SEMA3A: variants seen among roughly 807,000 people sequenced by gnomAD.
SEMA3A encodes the protein semaphorin 3A, also known as semaphorin-3A.
Under a neutral mutation model 97.9 loss-of-function variants are expected in SEMA3A, and 29 were observed. The observed-to-expected ratio is 0.30, with a 90% CI of 0.22 to 0.40. The LOEUF (loss-of-function observed/expected upper bound fraction) is 0.40, where lower values mean the gene tolerates loss of function less well. Among genes scored for constraint, SEMA3A ranks in the 10% least tolerant of loss-of-function variants. SEMA3A has a pLI of 1.00. For missense variants in SEMA3A, 763 were observed against 951.3 expected (o/e 0.80, Z 2.60); for synonymous variants, 321 against 323.7 (o/e 0.99, Z 0.09).
At chr7:84,038,922 C>T (rs1341168457) in intron 6 of SEMA3A, among the ~76,000 whole-genome samples, 1 of 152,022 alleles carries the variant, frequency 6.6e-6, no homozygotes, top group Non-Finnish European at 1.5e-5. Flanking sequence ...AATACTGAAG[C>T]TAAAACTACT....
At chr7:84,374,929 G>C (rs898682727) in intron 1 of SEMA3A, among the ~76,000 whole-genome samples, 1 of 152,290 alleles carries the variant, frequency 6.6e-6, no homozygotes, top group East Asian at 1.9e-4. Context: ...ACTATGACTC[G>C]TTATCTGCAA....
At chr7:84,010,981 A>G in intron 9 of SEMA3A, 41 bp downstream of exon 9, 4 of 1,439,274 alleles carry the variant, frequency 2.8e-6, no homozygotes, top group Non-Finnish European at 3.8e-6. Flanking sequence ...TAGCACCTAA[A>G]TAACATTAAG....
rs182510772 is a variant in SEMA3A at position 84,401,305 on chromosome 7, T to G, written c.-245-29405A>C. On this transcript the variant is annotated intron_variant, in intron 1 of 3. Coordinates refer to the SEMA3A transcript ENST00000424555. Reference sequence around the variant, plus strand: ...CCTGGGAATAAATTTAACCAAAAAGTGAGAGATCTCTACAGTGAAAATGAT... The same window carrying G: ...CCTGGGAATAAATTTAACCAAAAAGGGAGAGATCTCTACAGTGAAAATGAT... 2.9e-3 allele frequency among the ~76,000 whole-genome samples: 436 copies of G among 152,060 alleles called. 1 individual carries two copies. Among genetic ancestry groups the G allele is most frequent in the Non-Finnish European group, 4.9e-3 (331 of 67,950 alleles).
intron 1 of SEMA3A, among the ~76,000 whole-genome samples, chr7:84,138,422 C>T (rs1796207214): frequency 6.6e-6 from 1 of 151,988 alleles, no homozygotes; most frequent in African/African-American, 2.4e-5. Flanking sequence ...AAAGGAATGA[C>T]TTTCTATATC....
intron 11 of SEMA3A, among the ~76,000 whole-genome samples, chr7:84,004,838 C>T (rs1012115956): frequency 1.2e-4 from 18 of 152,138 alleles, no homozygotes; most frequent in Non-Finnish European, 2.6e-4. Flanking sequence ...ACGATAGAAA[C>T]TGGCCTCAGT....
At chr7:84,321,330 A>G (rs149287845) in intron 2 of SEMA3A, among the ~76,000 whole-genome samples, 5,182 of 152,320 alleles carry the variant, frequency 0.034, 104 homozygotes, top group South Asian at 0.046. Context: ...GTGAAACAAA[A>G]TGAACTATAA....
chr7:84,405,276 C>A (rs966818837), intron 1 of SEMA3A, among the ~76,000 whole-genome samples: 2 of 152,062 alleles, frequency 1.3e-5, no homozygotes, highest in African/African-American at 2.4e-5. Flanking sequence ...TTTAAACCAA[C>A]AAAGATCAAA....
chr7:84,202,924 A>G (rs1178849342), intron 3 of SEMA3A, among the ~76,000 whole-genome samples: 1 of 152,128 alleles, frequency 6.6e-6, no homozygotes, highest in Non-Finnish European at 1.5e-5. Flanking sequence ...TTTTTAATAC[A>G]TCTATACTGT....
chr7:84,158,445 C>G (rs1322863557), intron 1 of SEMA3A, among the ~76,000 whole-genome samples: 2 of 152,146 alleles, frequency 1.3e-5, no homozygotes, highest in Non-Finnish European at 2.9e-5. Context: ...AGCCACCACA[C>G]CTGGCCAACA....
rs1424909198 is a variant in SEMA3A at position 83,958,775 on chromosome 7, A to G, written c.*2596T>C. On this transcript the variant is annotated 3_prime_UTR_variant, in exon 17 of 17. Transcript: ENST00000265362. ...GAAGTGTGCATTTACATGCATTTAC[A>G]TTTTACATTTGATATCAACTGGGCC... 6.6e-6 allele frequency: 1 copy of G among 152,502 alleles called. No individual in the cohort carries two copies. The highest frequency in any genetic ancestry group is 2.4e-5 in the African/African-American group (1 of 41,440). 9.4% of individuals were successfully genotyped at this position (152,502 alleles called of 1,614,324 possible).
At chr7:84,354,661 T>A (rs1310299301) in intron 2 of SEMA3A, among the ~76,000 whole-genome samples, 1 of 151,550 alleles carries the variant, frequency 6.6e-6, no homozygotes, top group Admixed American at 6.6e-5. Context: ...GCCTTTGGGG[T>A]GGAGGAAAGT....
At chr7:84,321,897 A>AAAAAAAG (rs1562902776) in intron 2 of SEMA3A, among the ~76,000 whole-genome samples, 5 of 84,266 alleles carry the variant, frequency 5.9e-5, no homozygotes, top group African/African-American at 2.5e-4. Flanking sequence ...AAAAAAAAAA[A>AAAAAAAG]AAGAAGAAGA....
chr7:84,016,227 T>C (rs1791092283), intron 6 of SEMA3A, among the ~76,000 whole-genome samples: 1 of 152,092 alleles, frequency 6.6e-6, no homozygotes. Context: ...GTGTGTATGT[T>C]TGTGTGTGAG....
At chr7:84,205,607 A>T (rs148695747) in intron 3 of SEMA3A, among the ~76,000 whole-genome samples, 2 of 152,210 alleles carry the variant, frequency 1.3e-5, no homozygotes, top group South Asian at 2.1e-4. Flanking sequence ...GAAACAGTAT[A>T]AAGTTAAGCA....
intron 1 of SEMA3A, among the ~76,000 whole-genome samples, chr7:84,423,983 T>A (rs1804673038): frequency 6.6e-6 from 1 of 151,700 alleles, no homozygotes; most frequent in South Asian, 2.1e-4. Flanking sequence ...TATTAAAAAA[T>A]CAAAAACAAT....
At chr7:84,324,379 A>C (rs762543007) in intron 2 of SEMA3A, among the ~76,000 whole-genome samples, 1 of 152,180 alleles carries the variant, frequency 6.6e-6, no homozygotes, top group Non-Finnish European at 1.5e-5. Flanking sequence ...TTTCTATTAG[A>C]TAGAGTCCAG....
intron 1 of SEMA3A, among the ~76,000 whole-genome samples, chr7:84,145,071 A>G (rs1796423740): frequency 6.6e-6 from 1 of 152,154 alleles, no homozygotes; most frequent in Non-Finnish European, 1.5e-5. Context: ...ATGACATGCC[A>G]TCTATAGTCT....
At chr7:83,965,451 G>C (rs1016747717) in intron 15 of SEMA3A, among the ~76,000 whole-genome samples, 11 of 150,686 alleles carry the variant, frequency 7.3e-5, no homozygotes, top group African/African-American at 2.7e-4. Flanking sequence ...CAACTGACTT[G>C]TCTCTTGCAT....
chr7:84,388,615 A>G (rs2067901655), intron 1 of SEMA3A, among the ~76,000 whole-genome samples: 1 of 152,074 alleles, frequency 6.6e-6, no homozygotes, highest in African/African-American at 2.4e-5. Flanking sequence ...TGAATGTGGA[A>G]TACAAAGGAA....
Sources: allele counts gnomAD v4.1 joint callset (sites outside exome capture counted in the v4.1 genomes callset), GRCh38; gene constraint gnomAD v4.1.1; transcripts MANE v1.5; gene names NCBI Gene and HGNC (gene_info 2026-07-23, HGNC 2026-07-21).